Variants in CFAP251 observed in about 807,000 individuals in gnomAD.
CFAP251 encodes cilia and flagella associated protein 251, also known as cilia- and flagella-associated protein 251.
Under a neutral mutation model 126.7 loss-of-function variants are expected in CFAP251, and 93 were observed. The observed-to-expected ratio is 0.73, with a 90% confidence interval of 0.62 to 0.87. The LOEUF (loss-of-function observed/expected upper bound fraction) is 0.87. CFAP251 is among the 40% of genes least tolerant of loss of function. The pLI is 0.00. For missense variants in CFAP251, 1,287 were observed against 1,389.2 expected (o/e 0.93, Z 1.17); for synonymous variants, 503 against 506.9 (o/e 0.99, Z 0.10).
At chr12:121,920,631 C>T (rs1478478104) in intron 1 of CFAP251, among the ~76,000 whole-genome samples, 4 of 152,088 alleles carry the variant, frequency 2.6e-5, no homozygotes, top group African/African-American at 4.8e-5. Flanking sequence ...CTCCTGACCT[C>T]GTGATCCACC....
At chr12:121,919,143 A>ATTTT (rs11374417) in intron 1 of CFAP251, among the ~76,000 whole-genome samples, 2,302 of 146,598 alleles carry the variant, frequency 0.016, 24 homozygotes, top group South Asian at 0.035. Flanking sequence ...TATTATTATT[A>ATTTT]TTTTTTTTTT....
rs540626358 is a variant in CFAP251, at chr12:121,929,877, C to T, written c.748-1869C>T. Among the ~76,000 whole-genome samples the T allele has an allele frequency of 1.5e-3, 221 of 152,234 alleles. 1 individual carries two copies. The highest frequency in any genetic ancestry group is 2.6e-3 in the Non-Finnish European group (177 of 68,028). On this transcript the variant is annotated intron_variant, in intron 3 of 21. Coordinates refer to ENST00000288912, the MANE Select transcript of CFAP251 (RefSeq NM_144668.6). Reference sequence around the variant, plus strand: ...ATTTTCAGTAGAGATGGGGTTTCACCGTGTTGACCAGGCTGGTCTTGAACT... The same window carrying T: ...ATTTTCAGTAGAGATGGGGTTTCACTGTGTTGACCAGGCTGGTCTTGAACT...
intron 15 of CFAP251, 68 bp from the exon 16 acceptor site, chr12:121,966,887 C>T (rs1215000075): frequency 2.7e-6 from 4 of 1,506,886 alleles, no homozygotes; most frequent in Non-Finnish European, 3.7e-6. Flanking sequence ...CCTGGCCCGA[C>T]CAAAGAATCT....
At chr12:121,983,689 A>G (rs1882680685) in intron 19 of CFAP251, among the ~76,000 whole-genome samples, 1 of 151,724 alleles carries the variant, frequency 6.6e-6, no homozygotes. Context: ...TCGGTGCCGC[A>G]CTCAGTGAGG....
At chr12:121,944,023 A>G (rs1487224652) in intron 7 of CFAP251, among the ~76,000 whole-genome samples, 1 of 152,144 alleles carries the variant, frequency 6.6e-6, no homozygotes, top group Non-Finnish European at 1.5e-5. Flanking sequence ...AGTTATCATT[A>G]TTGCTCCCAA....
At chr12:121,972,739 C>T (rs565367331) in intron 17 of CFAP251, among the ~76,000 whole-genome samples, 23 of 152,266 alleles carry the variant, frequency 1.5e-4, no homozygotes, top group African/African-American at 4.8e-4. Flanking sequence ...CCACCTGCCT[C>T]GGCCTCCCAA....
At position 121,941,328 on chromosome 12, in the gene CFAP251, G is replaced by GC. The variant is rs1207868275; in HGVS notation, c.999-1204dup. 4.8e-4 allele frequency among the ~76,000 whole-genome samples: 51 copies of GC among 106,758 alleles called. No homozygotes were observed. In the East Asian group the frequency reaches 0.01, roughly 21 times the overall value. The allele number at this position is 106,758 out of a possible 152,430, so 70.0% of individuals were successfully genotyped here. A position where few individuals can be genotyped will look rare whatever the true frequency, so the allele number is the denominator to read the frequency against. ...ATTACAGGTGTGAGCCACCATGCTG[G>GC]CCTTTTTTTTTTTTTTTTTTTTTGA... On this transcript the variant is annotated intron_variant, in intron 5 of 21. Coordinates refer to ENST00000288912, the MANE Select transcript of CFAP251 (RefSeq NM_144668.6).
intron 15 of CFAP251, among the ~76,000 whole-genome samples, chr12:121,966,245 TCCCCTC>T (rs1200738595): frequency 9.6e-5 from 2 of 20,936 alleles, no homozygotes; most frequent in Non-Finnish European, 1.6e-4. Flanking sequence ...TCCCCTTCCC[TCCCCTC>T]CCCCTCCCCC....
At chr12:121,921,264 A>T in intron 1 of CFAP251, 22 bp from the exon 2 acceptor site, 1 of 1,534,062 alleles carries the variant, frequency 6.5e-7, no homozygotes, top group South Asian at 1.3e-5. Context: ...CCAGCTGGTT[A>T]TTATGGTCAA....
chr12:121,993,945 C>T (rs1483504907), intron 19 of CFAP251, among the ~76,000 whole-genome samples: 1 of 114,834 alleles, frequency 8.7e-6, no homozygotes, highest in African/African-American at 3.1e-5. Flanking sequence ...CCCCTCTGCC[C>T]GGCCAGCACC....
chr12:121,963,846 G>A (rs949448073), intron 15 of CFAP251, among the ~76,000 whole-genome samples: 1 of 151,546 alleles, frequency 6.6e-6, no homozygotes, highest in Non-Finnish European at 1.5e-5. Flanking sequence ...TCTACTCAGC[G>A]CTGTGGGGCC....
chr12:121,978,393 C>CAAAGA (rs780955131), intron 19 of CFAP251, among the ~76,000 whole-genome samples: 1 of 42,120 alleles, frequency 2.4e-5, no homozygotes, highest in African/African-American at 1.4e-4. Context: ...GACTCTGTCT[C>CAAAGA]AAAAAAAAAA....
At chr12:121,922,177 G>A (rs1259077823) in intron 2 of CFAP251, among the ~76,000 whole-genome samples, 3 of 146,044 alleles carry the variant, frequency 2.1e-5, no homozygotes, top group Admixed American at 7.0e-5. Context: ...GCGTGATCTC[G>A]GCTCACTGCA....
rs2135783212 is a variant in CFAP251 at position 121,959,372 on chromosome 12, T to A, written c.2133+278T>A. On this transcript the variant is annotated intron_variant, in intron 13 of 21. Coordinates refer to ENST00000288912, the MANE Select transcript of CFAP251 (RefSeq NM_144668.6). ...GGGAGGACCCCTGCGGGCCAGGAGT[T>A]TGAGGTTACAGTGAGCTATAAGGCA... The A allele has an allele frequency of 9.3e-6, 3 of 322,432 alleles. 1 individual carries two copies. In the South Asian group the frequency reaches 1.8e-4, roughly 20 times the overall value. 20.0% of individuals were successfully genotyped at this position (322,432 alleles called of 1,614,324 possible). A position where few individuals can be genotyped will look rare whatever the true frequency, so the allele number is the denominator to read the frequency against.
chr12:121,928,043 G>T (rs1484107569), intron 3 of CFAP251, among the ~76,000 whole-genome samples: 5 of 152,206 alleles, frequency 3.3e-5, no homozygotes, highest in Non-Finnish European at 7.3e-5. Flanking sequence ...CGCTGCTCGA[G>T]TGGGGTTGTT....
Position 121,921,667 on chromosome 12 carries a change from C to T in CFAP251, c.362C>T (p.Thr121Ile), listed in dbSNP as rs1403052605. ...ETQITDSQSI[T>I]SGIFPKTQRG... ...CAGATTACTGATTCCCAGTCAATCA[C>T]ATCAGGAATTTTCCCAGTAAGTAGT... is the stretch of plus-strand genomic sequence containing the variant. The change falls in exon 2 of 22, where the codon ACA becomes ATA. Residue 121 changes from threonine to isoleucine, a missense_variant. By Grantham distance (89) the Thr-to-Ile change is moderately conservative (BLOSUM62 -1). Transcript: ENST00000288912. The T allele has an allele frequency of 6.2e-7, 1 of 1,603,872 alleles. No homozygotes were observed. Among genetic ancestry groups the T allele is most frequent in the South Asian group, 1.1e-5 (1 of 89,156 alleles).
intron 5 of CFAP251, among the ~76,000 whole-genome samples, chr12:121,939,556 A>G (rs1565906381): frequency 6.7e-6 from 1 of 150,032 alleles, no homozygotes; most frequent in Admixed American, 6.6e-5. Flanking sequence ...TATTTGTGAA[A>G]CTCTCTCTCT....
chr12:121,946,747 A>T (rs1881340456), intron 7 of CFAP251, among the ~76,000 whole-genome samples: 1 of 142,618 alleles, frequency 7.0e-6, no homozygotes, highest in Admixed American at 7.1e-5. Context: ...CACCTGGCTA[A>T]TTTTTTTTTT....
At chr12:121,997,382 G>A (rs982557733) in intron 19 of CFAP251, 5 of 121,390 alleles carry the variant, frequency 4.1e-5, no homozygotes, top group Non-Finnish European at 7.9e-5. Context: ...GTGAGTCACC[G>A]TTCCTGACCA....
Sources: allele counts gnomAD v4.1 joint callset (sites outside exome capture counted in the v4.1 genomes callset), GRCh38; gene constraint gnomAD v4.1.1; transcripts MANE v1.5; gene names NCBI Gene and HGNC (gene_info 2026-07-23, HGNC 2026-07-21).